Variants in MTCL2 observed in about 807,000 individuals in gnomAD.
MTCL2 encodes the protein microtubule cross-linking factor 2.
At chr20:36,839,868 T>A in the MTCL2 span, among the ~76,000 whole-genome samples, 5 of 152,166 alleles carry the variant, frequency 3.3e-5, no homozygotes, top group Non-Finnish European at 5.9e-5. The surrounding 1 kb of genome is among the most constrained non-coding windows in gnomAD (Gnocchi z 5.1). Flanking sequence ...TGTTCATTTT[T>A]TTGTTGTTTT....
At chr20:36,788,132 C>T in the MTCL2 span, among the ~76,000 whole-genome samples, 3 of 142,470 alleles carry the variant, frequency 2.1e-5, no homozygotes, top group Non-Finnish European at 3.0e-5. Context: ...ACTCAGGAGG[C>T]GGAGGTTGCA....
At chr20:36,831,534 G>T in the MTCL2 span, among the ~76,000 whole-genome samples, 1 of 152,220 alleles carries the variant, frequency 6.6e-6, no homozygotes, top group Admixed American at 6.5e-5. Context: ...CTCTGCCTGG[G>T]CCGAAGCCCA....
At chr20:36,853,323 G>A in the MTCL2 span, among the ~76,000 whole-genome samples, 1 of 152,188 alleles carries the variant, frequency 6.6e-6, no homozygotes, top group South Asian at 2.1e-4. Context: ...AGCAATCCCC[G>A]ATGGGAGAGG....
At chr20:36,807,048 AACGTCACAGAAGAGACAGC>A in the MTCL2 span, among the ~76,000 whole-genome samples, 1 of 152,152 alleles carries the variant, frequency 6.6e-6, no homozygotes, top group African/African-American at 2.4e-5. Context: ...TATGTTTCCA[AACGTCACAGAAGAGACAGC>A]TTCGGACAGG....
At chr20:36,839,228 G>A in the MTCL2 span, 1 of 1,599,252 alleles carries the variant, frequency 6.3e-7, no homozygotes, top group Non-Finnish European at 8.5e-7. This position sits in a 1 kb window ranked among gnomAD's most constrained non-coding sequence, Gnocchi z 5.1. Flanking sequence ...TTGACATCCT[G>A]CTCCAGACCA....
the MTCL2 span, among the ~76,000 whole-genome samples, chr20:36,848,253 C>T: frequency 6.6e-6 from 1 of 152,220 alleles, no homozygotes; most frequent in African/African-American, 2.4e-5. Flanking sequence ...AGGGAACCTC[C>T]TGCTCACCCA....
chr20:36,863,282 G>T, the MTCL2 span: 1 of 1,189,466 alleles, frequency 8.4e-7, no homozygotes, highest in African/African-American at 1.6e-5. The surrounding 1 kb of genome is among the most constrained non-coding windows in gnomAD (Gnocchi z 6.2). Flanking sequence ...GGGCAGGCGC[G>T]GGTGCAGGCG....
At chr20:36,792,524 T>TAA in the MTCL2 span, among the ~76,000 whole-genome samples, 4 of 131,868 alleles carry the variant, frequency 3.0e-5, no homozygotes, top group African/African-American at 8.2e-5. Flanking sequence ...ACAAAAACAA[T>TAA]AAAAAAAAAA....
At chr20:36,817,599 T>A in the MTCL2 span, 1 of 748,512 alleles carries the variant, frequency 1.3e-6, no homozygotes, top group Non-Finnish European at 2.1e-6. Context: ...CACCCCACCC[T>A]GATGGCACTG....
chr20:36,802,678 A>T, the MTCL2 span, among the ~76,000 whole-genome samples: 1 of 152,228 alleles, frequency 6.6e-6, no homozygotes, highest in Admixed American at 6.5e-5. Flanking sequence ...AGAAAAATCT[A>T]GTTCCCACTG....
the MTCL2 span, among the ~76,000 whole-genome samples, chr20:36,821,091 C>G: frequency 2.0e-5 from 3 of 152,222 alleles, no homozygotes; most frequent in East Asian, 1.9e-4. Context: ...CCCAGTCACC[C>G]AGTTATCCCG....
At chr20:36,841,874 G>GGGGGGGGTGTGT in the MTCL2 span, among the ~76,000 whole-genome samples, 2 of 110,768 alleles carry the variant, frequency 1.8e-5, no homozygotes, top group African/African-American at 6.5e-5. Flanking sequence ...TGGGGGGTGG[G>GGGGGGGGTGTGT]GTGTGTGTGT....
chr20:36,831,571 A>G, the MTCL2 span, among the ~76,000 whole-genome samples: 1 of 152,134 alleles, frequency 6.6e-6, no homozygotes, highest in Non-Finnish European at 1.5e-5. Flanking sequence ...TTGGCAATGT[A>G]TGAGGCAGGC....
the MTCL2 span, among the ~76,000 whole-genome samples, chr20:36,800,033 A>G: frequency 5.9e-5 from 9 of 152,178 alleles, no homozygotes; most frequent in Non-Finnish European, 1.3e-4. Flanking sequence ...TGTTGCTTTC[A>G]CCAGTCTGGC....
chr20:36,795,087 C>T, the MTCL2 span, among the ~76,000 whole-genome samples: 23 of 152,018 alleles, frequency 1.5e-4, no homozygotes, highest in African/African-American at 5.1e-4. Context: ...TACAGGCGTG[C>T]GCCACCACGC....
chr20:36,836,034 A>G, the MTCL2 span, among the ~76,000 whole-genome samples: 1 of 150,776 alleles, frequency 6.6e-6, no homozygotes, highest in African/African-American at 2.4e-5. Flanking sequence ...TTCTCCAGCT[A>G]TTCCCTCCCC....
chr20:36,830,701 A>G, the MTCL2 span, among the ~76,000 whole-genome samples: 1 of 152,200 alleles, frequency 6.6e-6, no homozygotes, highest in Non-Finnish European at 1.5e-5. Context: ...GGGCAAGGCA[A>G]TTTTCCTCTC....
the MTCL2 span, among the ~76,000 whole-genome samples, chr20:36,816,800 T>C: frequency 2.0e-5 from 3 of 152,106 alleles, no homozygotes; most frequent in Non-Finnish European, 4.4e-5. Flanking sequence ...CACATGGCAG[T>C]CAAGTGGCAG....
At chr20:36,813,313 TAAAAAAA>T in the MTCL2 span, among the ~76,000 whole-genome samples, 46 of 41,898 alleles carry the variant, frequency 1.1e-3, no homozygotes, top group South Asian at 5.4e-3. Flanking sequence ...ACTGTTTCTT[TAAAAAAA>T]AAAAAAAAAA....
Sources: gnomAD v4.1 joint callset for allele counts (sites outside exome capture counted in the v4.1 genomes callset) on GRCh38, gnomAD v4.1.1 for gene constraint, Gnocchi (gnomAD v3.1) non-coding constraint, MANE v1.5 for transcripts, NCBI Gene and HGNC (gene_info 2026-07-23, HGNC 2026-07-21) for gene names.